ITPA: variants seen among roughly 807,000 people sequenced by gnomAD.
The protein encoded by ITPA is inosine triphosphate pyrophosphatase.
ITPA carries 29 observed loss-of-function variants against 29.6 expected under a neutral mutation model. The ratio of observed to expected loss-of-function variants is 0.98; its 90% CI spans 0.73 to 1.34. The LOEUF (loss-of-function observed/expected upper bound fraction) is 1.34, where lower values mean the gene tolerates loss of function less well. Ranked by LOEUF, ITPA falls within the 40% of genes most tolerant of loss-of-function variation. The pLI is 0.00. For synonymous variants in ITPA, 103 were observed against 99.3 expected (o/e 1.04, Z -0.22); for missense variants, 241 against 251.5 (o/e 0.96, Z 0.28).
chr20:3,204,942 C>A (rs1188343836), upstream of ITPA, among the ~76,000 whole-genome samples: 2 of 152,018 alleles, frequency 1.3e-5, no homozygotes, highest in African/African-American at 2.4e-5. Flanking sequence ...CCTCCACCTC[C>A]CAGGTTCAAG....
rs778938410 is a variant in ITPA at position 3,223,356 on chromosome 20, CA to C, written c.489-9del. ...TCTGGGCTCCCTGAGCTGCTACTGTCACCCCTCAGGTACGCAGAGATGCCTA... is the reference window on the plus strand; with the variant it reads ...TCTGGGCTCCCTGAGCTGCTACTGTCCCCCTCAGGTACGCAGAGATGCCTA... On this transcript the variant is annotated splice_polypyrimidine_tract_variant and intron_variant, in intron 7 of 7. Transcript: ENST00000380113. 9 of 1,606,210 alleles carry C rather than the reference CA, an allele frequency of 5.6e-6. No homozygotes were observed. In the Admixed American group the frequency reaches 1.5e-4, roughly 27 times the overall value.
At position 3,210,135 on chromosome 20, in the gene ITPA, T is replaced by C. The variant is rs183615121; in HGVS notation, c.66+518T>C. Among the ~76,000 whole-genome samples the C allele has an allele frequency of 3.5e-3, 538 of 152,282 alleles. 3 individuals are homozygous for C. The highest frequency in any genetic ancestry group is 0.012 in the African/African-American group (504 of 41,556). ...GCAGGACATTTGCTTCACAGCGCTA[T>C]AGAGAGGAGGAGTAAAGGAGGCAGT... On this transcript the variant is annotated intron_variant, in intron 1 of 7. Coordinates refer to ENST00000380113, the MANE Select transcript of ITPA (RefSeq NM_033453.4).
At chr20:3,227,020 G>A (rs1356519701), downstream of ITPA, among the ~76,000 whole-genome samples, 1 of 152,162 alleles carries the variant, frequency 6.6e-6, no homozygotes. Flanking sequence ...CAGATGGGAT[G>A]GTTCACAAGT....
At chr20:3,218,379 G>A (rs2122391143) in intron 5 of ITPA, 138 bp from the exon 6 acceptor site, 2 of 712,724 alleles carry the variant, frequency 2.8e-6, no homozygotes, top group Non-Finnish European at 5.1e-6. Context: ...CTTGGGCTCT[G>A]CCGCCCCCGC....
In ITPA at chr20:3,221,753, A is replaced by T. The variant is rs1262073024; in HGVS notation, c.412-88A>T. On this transcript the variant is annotated intron_variant, in intron 6 of 7. Coordinates refer to ENST00000380113, the MANE Select transcript of ITPA (RefSeq NM_033453.4). ...GTAAGTTGGGTCAAATCAAATTCACAGACTCACCAAACTCATACTGGCCAC... is the reference window on the plus strand; with the variant it reads ...GTAAGTTGGGTCAAATCAAATTCACTGACTCACCAAACTCATACTGGCCAC... 27 of 1,229,946 alleles carry T rather than the reference A, an allele frequency of 2.2e-5. No individual in the cohort carries two copies. In the East Asian group the frequency reaches 6.3e-4, roughly 29 times the overall value. 76.2% of individuals were successfully genotyped at this position (1,229,946 alleles called of 1,614,324 possible).
At chr20:3,210,740 T>C (rs1219404053) in intron 1 of ITPA, among the ~76,000 whole-genome samples, 2 of 152,034 alleles carry the variant, frequency 1.3e-5, no homozygotes, top group African/African-American at 4.8e-5. Flanking sequence ...TGGCTGAGAA[T>C]ATTGCCCTCA....
chr20:3,206,387 C>CAAA (rs143721062), upstream of ITPA, among the ~76,000 whole-genome samples: 56 of 33,450 alleles, frequency 1.7e-3, no homozygotes, highest in East Asian at 4.0e-3. Context: ...GACTCAGTCT[C>CAAA]AAAAAAAAAA....
upstream of ITPA, among the ~76,000 whole-genome samples, chr20:3,207,995 C>CAAAAA (rs71195826): frequency 8.6e-6 from 1 of 116,466 alleles, no homozygotes. Context: ...GACTCCGTCT[C>CAAAAA]AAAAAAAAAA....
At chr20:3,204,603 C>T (rs762370856), upstream of ITPA, 9 of 1,590,190 alleles carry the variant, frequency 5.7e-6, no homozygotes, top group Non-Finnish European at 7.7e-6. Flanking sequence ...GCCGCCGCTA[C>T]CAAGTACCAC....
At chr20:3,218,073 A>G (rs1448523504) in intron 5 of ITPA, among the ~76,000 whole-genome samples, 3 of 151,708 alleles carry the variant, frequency 2.0e-5, no homozygotes, top group Non-Finnish European at 2.9e-5. Flanking sequence ...ATCAGCCACC[A>G]CGCCCGGCTA....
intron 5 of ITPA, among the ~76,000 whole-genome samples, chr20:3,217,411 G>A (rs2067332412): frequency 6.6e-6 from 1 of 152,082 alleles, no homozygotes; most frequent in Admixed American, 6.6e-5. Context: ...AGTATTTTAA[G>A]GCAAATCACA....
At chr20:3,227,382 G>A (rs529846023), downstream of ITPA, 5 of 262,958 alleles carry the variant, frequency 1.9e-5, no homozygotes, top group South Asian at 1.8e-4. Context: ...CCAGAGTGGG[G>A]GTGGAGTGGC....
At chr20:3,217,377 A>AC (rs1227251589) in intron 5 of ITPA, among the ~76,000 whole-genome samples, 2 of 151,954 alleles carry the variant, frequency 1.3e-5, no homozygotes, top group Admixed American at 6.6e-5. Flanking sequence ...GACATCTGTA[A>AC]CCCCCCTTAT....
chr20:3,214,403 AC>A lies in ITPA; in HGVS notation c.263+348del, dbSNP rs1156362235. Among the ~76,000 whole-genome samples the A allele has an allele frequency of 2.4e-5, 3 of 125,984 alleles. No individual in the cohort carries two copies. The East Asian group carries it at 6.6e-4, about 28-fold the overall frequency. 82.7% of individuals were successfully genotyped at this position (125,984 alleles called of 152,430 possible). A position where few individuals can be genotyped will look rare whatever the true frequency, so the allele number is the denominator to read the frequency against. ...TTTTTTGATACAGTCTCTCTCTGTTACCCAGACGGCTGGAGTGCAGTGGCAT... is the reference window on the plus strand; with the variant it reads ...TTTTTTGATACAGTCTCTCTCTGTTACCAGACGGCTGGAGTGCAGTGGCAT... On this transcript the variant is annotated intron_variant, in intron 4 of 7. Coordinates refer to ENST00000380113, the MANE Select transcript of ITPA (RefSeq NM_033453.4).
chr20:3,220,242 G>A (rs1020801063), intron 6 of ITPA, among the ~76,000 whole-genome samples: 4 of 152,008 alleles, frequency 2.6e-5, no homozygotes, highest in Non-Finnish European at 5.9e-5. Context: ...ATTTTTGGTA[G>A]AGACAGGGTT....
At chr20:3,210,370 C>T (rs962636115) in intron 1 of ITPA, among the ~76,000 whole-genome samples, 1 of 152,196 alleles carries the variant, frequency 6.6e-6, no homozygotes, top group African/African-American at 2.4e-5. Context: ...TTCTTCCCTG[C>T]TGGGGGATGG....
chr20:3,218,046 C>T (rs547165614), intron 5 of ITPA, among the ~76,000 whole-genome samples: 12 of 152,192 alleles, frequency 7.9e-5, no homozygotes, highest in South Asian at 4.2e-4. Flanking sequence ...GCCTCCCGAG[C>T]AGCTGGAGCT....
At position 3,223,638 on chromosome 20, in the gene ITPA, C is replaced by A. The variant is rs1408670051; in HGVS notation, c.*176C>A. The A allele has an allele frequency of 2.4e-5, 15 of 634,376 alleles. No individual in the cohort carries two copies. In the Admixed American group the frequency reaches 3.5e-4, roughly 15 times the overall value. The allele number at this position is 634,376 out of a possible 1,614,324, so 39.3% of individuals were successfully genotyped here. ...GCAGCTGGCTCTGCTCTGAGAAACT[C>A]TGGCAAGTGGACGCCATTCTCTTGC... On this transcript the variant is annotated 3_prime_UTR_variant, in exon 8 of 8. Transcript: ENST00000380113.
At chr20:3,216,133 G>T (rs1204760465) in intron 5 of ITPA, among the ~76,000 whole-genome samples, 1 of 150,974 alleles carries the variant, frequency 6.6e-6, no homozygotes, top group Non-Finnish European at 1.5e-5. Flanking sequence ...TGGGATTACA[G>T]GCATGCGCCA....
Sources: allele counts gnomAD v4.1 joint callset (sites outside exome capture counted in the v4.1 genomes callset), GRCh38; gene constraint gnomAD v4.1.1; transcripts MANE v1.5; gene names NCBI Gene and HGNC (gene_info 2026-07-23, HGNC 2026-07-21).